Variants in LAMA3 observed in about 807,000 individuals in gnomAD.
LAMA3 encodes laminin subunit alpha-3.
LAMA3 carries 281 observed loss-of-function variants against 402.0 expected under a neutral mutation model. That is an observed-to-expected ratio of 0.70 (90% CI 0.63 to 0.77). LAMA3 has a LOEUF of 0.77. Among genes scored for constraint, LAMA3 ranks in the 30% least tolerant of loss-of-function variants. The pLI, the probability that LAMA3 is intolerant of heterozygous loss-of-function variation, is 0.00. For missense variants in LAMA3, 3,840 were observed against 4,215.5 expected, an observed-to-expected ratio of 0.91 and a Z score of 2.47; for synonymous variants, 1,431 against 1,558.4, an observed-to-expected ratio of 0.92 and a Z score of 1.93.
intron 12 of LAMA3, among the ~76,000 whole-genome samples, chr18:23,789,814 G>T (rs1191270636): frequency 1.3e-5 from 2 of 152,194 alleles, no homozygotes; most frequent in Admixed American, 6.5e-5. Flanking sequence ...TGAGTGAATT[G>T]TATGGTATAT....
chr18:23,762,626 C>G (rs1197828676), intron 7 of LAMA3, among the ~76,000 whole-genome samples: 1 of 151,768 alleles, frequency 6.6e-6, no homozygotes, highest in Non-Finnish European at 1.5e-5. Flanking sequence ...ATGAGGATAG[C>G]TGCCCCGACA....
At chr18:23,737,025 C>T (rs955933146) in intron 2 of LAMA3, among the ~76,000 whole-genome samples, 2 of 152,098 alleles carry the variant, frequency 1.3e-5, no homozygotes, top group African/African-American at 2.4e-5. Flanking sequence ...TTCCCCCACC[C>T]CCACCACTAG....
intron 2 of LAMA3, among the ~76,000 whole-genome samples, chr18:23,742,046 C>T (rs952596884): frequency 6.6e-6 from 1 of 152,178 alleles, no homozygotes; most frequent in African/African-American, 2.4e-5. Flanking sequence ...CACTTGAAAC[C>T]AGGAGGTGGA....
intron 67 of LAMA3, 96 bp from the exon 68 acceptor site, chr18:23,939,127 A>G: frequency 7.6e-7 from 1 of 1,314,284 alleles, no homozygotes; most frequent in Non-Finnish European, 1.1e-6. Flanking sequence ...TGAATTCCTC[A>G]CTTAGGATCA....
At chr18:23,944,310 C>T (rs2082632074) in intron 69 of LAMA3, among the ~76,000 whole-genome samples, 1 of 152,204 alleles carries the variant, frequency 6.6e-6, no homozygotes, top group Non-Finnish European at 1.5e-5. Context: ...CCTCCAGGCC[C>T]CTCTCTGGAC....
At chr18:23,908,508 C>T (rs1465308770) in intron 54 of LAMA3, among the ~76,000 whole-genome samples, 12 of 125,604 alleles carry the variant, frequency 9.6e-5, no homozygotes, top group East Asian at 2.3e-4. Context: ...CCAGCCTGGA[C>T]GACAGAGCGA....
intron 46 of LAMA3, 23 bp downstream of exon 46, chr18:23,899,088 A>G (rs1439326217): frequency 3.2e-6 from 5 of 1,582,180 alleles, no homozygotes; most frequent in African/African-American, 2.7e-5. Flanking sequence ...ATTAAGCCCA[A>G]TTACATTTTT....
intron 12 of LAMA3, among the ~76,000 whole-genome samples, chr18:23,801,318 G>A (rs1271930017): frequency 6.6e-6 from 1 of 152,154 alleles, no homozygotes; most frequent in Non-Finnish European, 1.5e-5. Flanking sequence ...TGAGAGGTGG[G>A]TGAAGGCTGA....
At chr18:23,701,119 T>C (rs1406469316) in intron 1 of LAMA3, among the ~76,000 whole-genome samples, 1 of 152,242 alleles carries the variant, frequency 6.6e-6, no homozygotes, top group African/African-American at 2.4e-5. Flanking sequence ...GAATGAGGCA[T>C]TGTTGCCTGG....
At chr18:23,923,505 G>T (rs533952696) in intron 62 of LAMA3, among the ~76,000 whole-genome samples, 1 of 152,328 alleles carries the variant, frequency 6.6e-6, no homozygotes, top group African/African-American at 2.4e-5. Flanking sequence ...CAAGAATGAT[G>T]CCTGGTTTTT....
rs370343076 is a variant in LAMA3 at position 23,916,781 on chromosome 18, C to T, written c.7923+86C>T. On this transcript the variant is annotated intron_variant, in intron 60 of 74. Transcript: ENST00000313654. ...GATAACTGGGTTGTTATAAATGACCCACTAGATCTGGAAAACAATGTGTAA... is the reference window on the plus strand; with the variant it reads ...GATAACTGGGTTGTTATAAATGACCTACTAGATCTGGAAAACAATGTGTAA... 1,354 of 1,307,342 alleles carry T rather than the reference C, an allele frequency of 1.0e-3. 21 individuals are homozygous for T. In the South Asian group the frequency reaches 0.015, roughly 15 times the overall value. The allele number at this position is 1,307,342 out of a possible 1,614,324, so 81.0% of individuals were successfully genotyped here.
At chr18:23,881,582 G>A (rs2064895203) in intron 39 of LAMA3, among the ~76,000 whole-genome samples, 1 of 152,180 alleles carries the variant, frequency 6.6e-6, no homozygotes, top group South Asian at 2.1e-4. Context: ...ATAATTGTAT[G>A]TAAATCATAC....
chr18:23,901,035 G>A (rs1019733634), intron 47 of LAMA3, 92 bp from the exon 48 acceptor site: 9 of 1,139,274 alleles, frequency 7.9e-6, no homozygotes, highest in Non-Finnish European at 1.2e-5. Flanking sequence ...ACCATGAAAT[G>A]AGTAGAAACT....
intron 39 of LAMA3, among the ~76,000 whole-genome samples, chr18:23,878,892 G>C (rs956111667): frequency 6.6e-6 from 1 of 152,022 alleles, no homozygotes; most frequent in African/African-American, 2.4e-5. Flanking sequence ...CCGTCCAGAG[G>C]GACCTGCGAT....
intron 2 of LAMA3, among the ~76,000 whole-genome samples, chr18:23,734,652 C>T (rs2146024655): frequency 6.6e-6 from 1 of 152,350 alleles, no homozygotes; most frequent in African/African-American, 2.4e-5. Flanking sequence ...CCTTTTAGAA[C>T]TCCATGAACA....
intron 2 of LAMA3, among the ~76,000 whole-genome samples, chr18:23,739,947 G>T (rs1358639910): frequency 2.0e-5 from 3 of 152,190 alleles, no homozygotes; most frequent in Non-Finnish European, 4.4e-5. Flanking sequence ...GGAAGAACAT[G>T]ACTATAGAAT....
intron 34 of LAMA3, 76 bp downstream of exon 34, chr18:23,858,905 C>G: frequency 3.5e-6 from 5 of 1,430,586 alleles, no homozygotes; most frequent in Non-Finnish European, 3.9e-6. Context: ...CCTCGCTGCT[C>G]CTTGGCCTGC....
intron 5 of LAMA3, 141 bp from the exon 6 acceptor site, chr18:23,753,580 C>T: frequency 1.4e-6 from 1 of 700,930 alleles, no homozygotes; most frequent in South Asian, 1.5e-5. Flanking sequence ...TTTTATAAGA[C>T]ATGTTACATC....
intron 12 of LAMA3, among the ~76,000 whole-genome samples, chr18:23,788,315 G>A (rs1160462298): frequency 1.3e-5 from 2 of 151,798 alleles, no homozygotes; most frequent in Non-Finnish European, 2.9e-5. Flanking sequence ...CTAAATAAGA[G>A]TAAAATTTCT....
Sources: gnomAD v4.1 joint callset for allele counts (sites outside exome capture counted in the v4.1 genomes callset) on GRCh38, gnomAD v4.1.1 for gene constraint, MANE v1.5 for transcripts, NCBI Gene and HGNC (gene_info 2026-07-23, HGNC 2026-07-21) for gene names.